SLC5A6: variants seen among roughly 807,000 people sequenced by gnomAD.
The protein encoded by SLC5A6 is sodium-dependent multivitamin transporter.
SLC5A6 carries 31 observed loss-of-function variants against 67.9 expected under a neutral mutation model. The observed-to-expected ratio is 0.46, with a 90% CI of 0.34 to 0.62. The LOEUF (loss-of-function observed/expected upper bound fraction) is 0.62, where lower values mean the gene tolerates loss of function less well. Ranked by LOEUF, SLC5A6 falls within the 20% of genes least tolerant of loss-of-function variation. The probability of loss-of-function intolerance (pLI) is 0.01; values close to 1 mark genes in which losing one functional copy is unlikely to be tolerated. For synonymous variants in SLC5A6, 343 were observed against 331.0 expected, an observed-to-expected ratio of 1.04 and a Z score of -0.39; for missense variants, 673 against 812.8, an observed-to-expected ratio of 0.83 and a Z score of 2.09.
chr2:27,207,185 C>G lies in SLC5A6; in HGVS notation c.393+73G>C, dbSNP rs1674137409. ...TGGAGGAGGTCTAGGGTCCCAGGTC[C>G]TTCCTATGTGCCTGTCCCTCCTCTC... On this transcript the variant is annotated intron_variant, in intron 3 of 16. Coordinates refer to ENST00000310574, the MANE Select transcript of SLC5A6 (RefSeq NM_021095.4). The surrounding 1 kb of genome is among the most constrained non-coding windows in gnomAD (Gnocchi z 5.5). 2 of 1,523,386 alleles carry G rather than the reference C, an allele frequency of 1.3e-6. No homozygotes were observed. The highest frequency in any genetic ancestry group is 1.8e-6 in the Non-Finnish European group (2 of 1,112,530). The allele number at this position is 1,523,386 out of a possible 1,614,324, so 94.4% of individuals were successfully genotyped here. A position where few individuals can be genotyped will look rare whatever the true frequency, so the allele number is the denominator to read the frequency against.
At chr2:27,200,881 T>C in intron 16 of SLC5A6, 117 bp downstream of exon 16, 3 of 695,598 alleles carry the variant, frequency 4.3e-6, no homozygotes, top group Non-Finnish European at 7.5e-6. Flanking sequence ...TAGGCTTAGC[T>C]GATCCTGAGA....
intron 4 of SLC5A6, 146 bp from the exon 5 acceptor site, chr2:27,206,680 C>T: frequency 1.0e-6 from 1 of 959,452 alleles, no homozygotes; most frequent in Non-Finnish European, 1.7e-6. Context: ...TTCTGGCTTG[C>T]TGCCACCACA....
intron 1 of SLC5A6, 76 bp downstream of exon 1, chr2:27,211,944 C>T: frequency 2.1e-6 from 1 of 465,426 alleles, no homozygotes; most frequent in East Asian, 4.2e-5. Context: ...GGCCGAGAGC[C>T]CTGGCCGGGA....
chr2:27,209,686 A>C (rs1270053940), intron 2 of SLC5A6, among the ~76,000 whole-genome samples: 1 of 152,168 alleles, frequency 6.6e-6, no homozygotes, highest in East Asian at 1.9e-4. Flanking sequence ...ACTAACATAA[A>C]CTATGTCTTC....
intron 2 of SLC5A6, among the ~76,000 whole-genome samples, chr2:27,211,012 A>C (rs1032407886): frequency 6.6e-6 from 1 of 152,196 alleles, no homozygotes; most frequent in East Asian, 1.9e-4. Flanking sequence ...CGACAGAGCG[A>C]GACTCCGTCT....
upstream of SLC5A6, chr2:27,212,723 T>C: frequency 1.7e-6 from 2 of 1,163,616 alleles, no homozygotes; most frequent in Non-Finnish European, 1.1e-6. Flanking sequence ...TTAAGTTCTT[T>C]CTACAGACGG....
rs959041068 is a variant in SLC5A6, at chr2:27,199,738, G to C, written c.*698C>G. ...TAGATGGCTGCTCCACAGTGGACCC[G>C]GTCATGGCCCTGGTTTCTTGGATCC... On this transcript the variant is annotated 3_prime_UTR_variant, in exon 17 of 17. Transcript: ENST00000310574. 9 of 152,650 alleles carry C rather than the reference G, an allele frequency of 5.9e-5. No individual in the cohort carries two copies. Among genetic ancestry groups the C allele is most frequent in the African/African-American group, 2.2e-4 (9 of 41,436 alleles). 9.5% of individuals were successfully genotyped at this position (152,650 alleles called of 1,614,324 possible).
chr2:27,207,424 A>T lies in SLC5A6; in HGVS notation c.227T>A (p.Leu76Gln). ...GGCCACGGCTGACTGGAAGGTGGCCAGCAGGGACAGTGCCACCGGAAGGCA... is the reference window on the plus strand; with the variant it reads ...GGCCACGGCTGACTGGAAGGTGGCCTGCAGGGACAGTGCCACCGGAAGGCA... The part of the protein sequence containing the change: ...MGCLPVALSL[L>Q]ATFQSAVAIL... The change falls in exon 3 of 17, where the codon CTG becomes CAG. Residue 76 changes from leucine to glutamine, a missense_variant. Coordinates refer to ENST00000310574, the MANE Select transcript of SLC5A6 (RefSeq NM_021095.4). This position sits in a 1 kb window ranked among gnomAD's most constrained non-coding sequence, Gnocchi z 5.5. The T allele has an allele frequency of 6.2e-7, 1 of 1,614,238 alleles. No individual in the cohort carries two copies. Among genetic ancestry groups the T allele is most frequent in the Non-Finnish European group, 8.5e-7 (1 of 1,180,048 alleles).
intron 1 of SLC5A6, 47 bp downstream of exon 1, chr2:27,211,973 C>T: frequency 5.6e-6 from 3 of 536,664 alleles, no homozygotes; most frequent in East Asian, 3.7e-5. Context: ...GGGCCCCGCC[C>T]CCTGCCCGCC....
rs1157430395 is a variant in SLC5A6 at position 27,205,261 on chromosome 2, C to G, written c.734+89G>C. 2.2e-6 allele frequency: 3 copies of G among 1,356,050 alleles called. No individual in the cohort carries two copies. The Admixed American group carries it at 7.1e-5, about 32-fold the overall frequency. 84.0% of individuals were successfully genotyped at this position (1,356,050 alleles called of 1,614,324 possible). A position where few individuals can be genotyped will look rare whatever the true frequency, so the allele number is the denominator to read the frequency against. On this transcript the variant is annotated intron_variant, in intron 7 of 16. Coordinates refer to ENST00000310574, the MANE Select transcript of SLC5A6 (RefSeq NM_021095.4). ...TTACACCTCAGGCTTCCCAGTTTAC[C>G]TTCTGCTTACTATAGCCAAGACCAG... is the stretch of plus-strand genomic sequence containing the variant.
intron 6 of SLC5A6, 130 bp from the exon 7 acceptor site, chr2:27,205,634 GT>G: frequency 2.7e-6 from 3 of 1,123,030 alleles, no homozygotes; most frequent in Non-Finnish European, 4.0e-6. Flanking sequence ...CCTGAAGCCA[GT>G]TTTTAGTTTC....
chr2:27,203,025 C>A, intron 11 of SLC5A6, 145 bp from the exon 12 acceptor site: 1 of 1,506,532 alleles, frequency 6.6e-7, no homozygotes. Flanking sequence ...AGCTTCCTCC[C>A]ACCAAGTCCT....
At chr2:27,203,920 G>A in intron 9 of SLC5A6, 53 bp from the exon 10 acceptor site, 1 of 1,363,890 alleles carries the variant, frequency 7.3e-7, no homozygotes, top group Non-Finnish European at 1.0e-6. Context: ...TCTTCCCAGG[G>A]CCGGCTCTGC....
At chr2:27,212,388 G>A (rs767986269), upstream of SLC5A6, 4 of 1,550,760 alleles carry the variant, frequency 2.6e-6, no homozygotes, top group African/African-American at 5.5e-5. Context: ...CACGACCCGG[G>A]TAGTCTTACG....
intron 14 of SLC5A6, 54 bp downstream of exon 14, chr2:27,201,612 A>G (rs1036930576): frequency 3.2e-6 from 5 of 1,559,864 alleles, no homozygotes; most frequent in Non-Finnish European, 4.4e-6. Flanking sequence ...ACCCCTGTGA[A>G]AGCCCTCAAA....
rs1673841956 is a variant in SLC5A6, at chr2:27,203,884, G to A, written c.1006-17C>T. 6.2e-7 allele frequency: 1 copy of A among 1,601,382 alleles called. No individual in the cohort carries two copies. The highest frequency in any genetic ancestry group is 8.6e-7 in the Non-Finnish European group (1 of 1,168,740). On this transcript the variant is annotated splice_polypyrimidine_tract_variant and intron_variant, in intron 9 of 16. Transcript: ENST00000310574. ...CAGGACGAACTGCAAGCAGAGCGGAGGTACACAGCAGTCCTCAGAGAGGGG... is the reference window on the plus strand; with the variant it reads ...CAGGACGAACTGCAAGCAGAGCGGAAGTACACAGCAGTCCTCAGAGAGGGG...
upstream of SLC5A6, chr2:27,212,390 A>G (rs372747928): frequency 1.7e-5 from 26 of 1,550,838 alleles, no homozygotes; most frequent in African/African-American, 6.9e-5. Flanking sequence ...CGACCCGGGT[A>G]GTCTTACGAC....
rs948224670 is a variant in SLC5A6, at chr2:27,211,942, G to A, written c.-208+78C>T. ...GTGGGTAGCCAGAGCCCGGCCGAGA[G>A]CCCTGGCCGGGAGCCCGCGGGGGCC... On this transcript the variant is annotated intron_variant, in intron 1 of 16. Coordinates refer to ENST00000310574, the MANE Select transcript of SLC5A6 (RefSeq NM_021095.4). 1.0e-4 allele frequency: 47 copies of A among 462,218 alleles called. 1 individual carries two copies. The highest frequency in any genetic ancestry group is 1.6e-4 in the Non-Finnish European group (42 of 266,758). 28.6% of individuals were successfully genotyped at this position (462,218 alleles called of 1,614,324 possible). A position where few individuals can be genotyped will look rare whatever the true frequency, so the allele number is the denominator to read the frequency against.
intron 5 of SLC5A6, 133 bp from the exon 6 acceptor site, chr2:27,206,226 C>T (rs757100079): frequency 1.5e-4 from 122 of 822,472 alleles, no homozygotes; most frequent in Non-Finnish European, 2.1e-4. Context: ...TTCACCACAA[C>T]GGAGAAAAAT....
Sources: gnomAD v4.1 joint callset for allele counts (sites outside exome capture counted in the v4.1 genomes callset) on GRCh38, gnomAD v4.1.1 for gene constraint, Gnocchi (gnomAD v3.1) non-coding constraint, MANE v1.5 for transcripts, NCBI Gene and HGNC (gene_info 2026-07-23, HGNC 2026-07-21) for gene names.